Variants in DSCAM observed in about 807,000 individuals in gnomAD.
The protein encoded by DSCAM is DS cell adhesion molecule.
In DSCAM, 47 loss-of-function variants were observed where a neutral mutation model predicts 217.7. The ratio of observed to expected loss-of-function variants is 0.22; its 90% CI spans 0.17 to 0.28. DSCAM has a LOEUF of 0.28. Among genes scored for constraint, DSCAM ranks in the 10% least tolerant of loss-of-function variants. DSCAM has a pLI of 1.00. For missense variants in DSCAM, 2,080 were observed against 2,618.3 expected, an observed-to-expected ratio of 0.79 and a Z score of 4.49; for synonymous variants, 1,056 against 1,015.3, an observed-to-expected ratio of 1.04 and a Z score of -0.76.
chr21:40,580,389 C>T (rs2076895085), intron 3 of DSCAM, among the ~76,000 whole-genome samples: 1 of 151,604 alleles, frequency 6.6e-6, no homozygotes, highest in African/African-American at 2.4e-5. Flanking sequence ...AAAAATTAGC[C>T]AGGCGTGGTG....
intron 28 of DSCAM, 24 bp from the exon 29 acceptor site, chr21:40,055,864 A>C: frequency 6.4e-7 from 1 of 1,568,992 alleles, no homozygotes; most frequent in Non-Finnish European, 8.8e-7. Flanking sequence ...GGGGTAATGC[A>C]TTAACAAATC....
At chr21:40,215,867 A>G (rs1370887596) in intron 11 of DSCAM, among the ~76,000 whole-genome samples, 1 of 152,138 alleles carries the variant, frequency 6.6e-6, no homozygotes, top group African/African-American at 2.4e-5. Flanking sequence ...GGTAGAACAA[A>G]TCAATCATAA....
At chr21:40,015,543 C>T (rs998521334) in intron 32 of DSCAM, among the ~76,000 whole-genome samples, 6 of 152,072 alleles carry the variant, frequency 3.9e-5, no homozygotes, top group African/African-American at 1.4e-4. Flanking sequence ...AAACCTTCCA[C>T]CTCAGCCTCC....
In DSCAM at chr21:40,696,619, G is replaced by C. The variant is rs547791313; in HGVS notation, c.362-3663C>G. 3.0e-4 allele frequency among the ~76,000 whole-genome samples: 46 copies of C among 152,268 alleles called. No homozygotes were observed. The South Asian group carries it at 9.5e-3, about 32-fold the overall frequency. On this transcript the variant is annotated intron_variant, in intron 2 of 32. Transcript: ENST00000400454. ...TCATGTTCTTAGCAACCAGCGCGCA[G>C]ATCTTGGGGGATCTGATTCAGGGAT... is the stretch of plus-strand genomic sequence containing the variant.
At chr21:40,550,343 G>A (rs771902552) in intron 3 of DSCAM, among the ~76,000 whole-genome samples, 13 of 152,116 alleles carry the variant, frequency 8.5e-5, no homozygotes, top group Non-Finnish European at 1.2e-4. Context: ...TGGCCAACAT[G>A]GCAAAATCCC....
intron 11 of DSCAM, among the ~76,000 whole-genome samples, chr21:40,206,341 T>C (rs538037391): frequency 2.0e-5 from 3 of 152,172 alleles, no homozygotes; most frequent in South Asian, 4.2e-4. Context: ...CAGCTCTGGG[T>C]AGCAGAGCAG....
intron 10 of DSCAM, among the ~76,000 whole-genome samples, chr21:40,281,481 G>A (rs189970528): frequency 7.0e-4 from 107 of 152,188 alleles, no homozygotes; most frequent in Non-Finnish European, 6.0e-4. Flanking sequence ...TATATATAGC[G>A]GTAGGCAATC....
At chr21:40,043,865 C>A (rs1170657922) in intron 31 of DSCAM, among the ~76,000 whole-genome samples, 1 of 152,188 alleles carries the variant, frequency 6.6e-6, no homozygotes, top group African/African-American at 2.4e-5. Flanking sequence ...AGAATAGATG[C>A]AGTTTGGCTC....
chr21:40,385,504 C>T (rs1601604654), intron 3 of DSCAM: 1 of 152,180 alleles, frequency 6.6e-6, no homozygotes, highest in East Asian at 1.9e-4. Context: ...TTTGCACAAA[C>T]TTTTACAAGA....
At chr21:40,695,563 C>T (rs1425991691) in intron 2 of DSCAM, among the ~76,000 whole-genome samples, 5 of 152,290 alleles carry the variant, frequency 3.3e-5, no homozygotes, top group South Asian at 2.1e-4. Context: ...AACCCCAGCT[C>T]GCTCAAAGGG....
chr21:40,543,671 C>G (rs1266872121), intron 3 of DSCAM, among the ~76,000 whole-genome samples: 1 of 152,128 alleles, frequency 6.6e-6, no homozygotes, highest in East Asian at 1.9e-4. Context: ...ACCCTGTCTA[C>G]TTGGTATCAG....
At chr21:40,168,608 G>A (rs1465381819) in intron 15 of DSCAM, among the ~76,000 whole-genome samples, 1 of 152,192 alleles carries the variant, frequency 6.6e-6, no homozygotes, top group African/African-American at 2.4e-5. Flanking sequence ...AGGTTGTATG[G>A]CACACGGGAG....
At chr21:40,662,229 G>A (rs938030439) in intron 3 of DSCAM, among the ~76,000 whole-genome samples, 1 of 150,894 alleles carries the variant, frequency 6.6e-6, no homozygotes, top group Admixed American at 6.6e-5. Flanking sequence ...AAAGTTCACT[G>A]TTAATATTGA....
intron 3 of DSCAM, among the ~76,000 whole-genome samples, chr21:40,419,800 A>T (rs2075405701): frequency 6.6e-6 from 1 of 152,228 alleles, no homozygotes; most frequent in Non-Finnish European, 1.5e-5. Context: ...ATAAAGTCTC[A>T]CATTATTGTT....
Position 40,093,869 on chromosome 21 carries a change from G to C in DSCAM, c.3702C>G (p.Ile1234Met), listed in dbSNP as rs190001414. The C allele has an allele frequency of 3.1e-5, 50 of 1,613,360 alleles. No individual in the cohort carries two copies. In the African/African-American group the frequency reaches 6.4e-4, roughly 21 times the overall value. ...AGTCGGGAGAGGCCTCAAACTCGCT[G>C]ATCACCTGTAAAAAGAGACATAAGT... ...VFCSHPYPTV[I>M]SEFEASPDSF... Residue 1234 changes from isoleucine (I) to methionine (M), a missense_variant, in exon 21 of 33, where the codon ATC (isoleucine) becomes ATG (methionine). Ile to Met is a conservative substitution (Grantham distance 10, BLOSUM62 1). This residue lies in a region of DSCAM where 1,144 missense variants were observed against 1,421.1 expected (regional missense o/e 0.81). Transcript: ENST00000400454.
At chr21:40,172,075 C>A (rs1037067998) in intron 15 of DSCAM, among the ~76,000 whole-genome samples, 1 of 152,210 alleles carries the variant, frequency 6.6e-6, no homozygotes, top group Non-Finnish European at 1.5e-5. Context: ...TCAAGACCAG[C>A]CTTGCCAACA....
intron 1 of DSCAM, among the ~76,000 whole-genome samples, chr21:40,846,227 T>G (rs1437377481): frequency 6.6e-6 from 1 of 152,144 alleles, no homozygotes; most frequent in African/African-American, 2.4e-5. Context: ...CATTGACCCC[T>G]CCACTTGCGT....
chr21:40,408,979 G>T (rs1159006555), intron 3 of DSCAM, among the ~76,000 whole-genome samples: 3 of 152,154 alleles, frequency 2.0e-5, no homozygotes, highest in East Asian at 1.9e-4. Context: ...GTAATGTGTG[G>T]TTATCTTTTT....
chr21:40,702,202 G>A (rs924147160), intron 2 of DSCAM, among the ~76,000 whole-genome samples: 3 of 152,070 alleles, frequency 2.0e-5, no homozygotes, highest in African/African-American at 7.2e-5. Context: ...TGAGCACAGG[G>A]GATTTTTAGG....
Sources: allele counts gnomAD v4.1 joint callset (sites outside exome capture counted in the v4.1 genomes callset), GRCh38; gene constraint gnomAD v4.1.1; regional missense constraint gnomAD v4.1.1; transcripts MANE v1.5; gene names NCBI Gene and HGNC (gene_info 2026-07-23, HGNC 2026-07-21).